Variants in MKKS observed in about 807,000 individuals in gnomAD.
MKKS encodes MKKS centrosomal shuttling protein.
A neutral mutation model predicts 33.2 loss-of-function variants in MKKS; 29 were observed. The observed-to-expected ratio is 0.87, with a 90% CI of 0.65 to 1.19. The LOEUF (loss-of-function observed/expected upper bound fraction) is 1.19. Among genes scored for constraint, MKKS ranks in the 50% most tolerant of loss-of-function variants. The pLI is 0.00. For synonymous variants in MKKS, 260 were observed against 244.0 expected, an observed-to-expected ratio of 1.07 and a Z score of -0.61; for missense variants, 661 against 662.3, an observed-to-expected ratio of 1.00 and a Z score of 0.02.
intron 4 of MKKS, among the ~76,000 whole-genome samples, 179 bp downstream of exon 4, chr20:10,408,449 C>T (rs2064858113): frequency 6.6e-6 from 1 of 152,120 alleles, no homozygotes; most frequent in African/African-American, 2.4e-5. Context: ...GCAACACATG[C>T]CAAATTTATT....
intron 3 of MKKS, among the ~76,000 whole-genome samples, chr20:10,409,842 G>A (rs2064868458): frequency 6.6e-6 from 1 of 151,248 alleles, no homozygotes; most frequent in Admixed American, 6.6e-5. Flanking sequence ...GTGGTGGCAG[G>A]TGCTTGTAAT....
intron 2 of MKKS, among the ~76,000 whole-genome samples, chr20:10,417,595 T>A (rs2064948704): frequency 6.6e-6 from 1 of 151,766 alleles, no homozygotes; most frequent in Non-Finnish European, 1.5e-5. Flanking sequence ...GGGTGACAAA[T>A]CAAGGCCTGT....
rs1483709391 is a variant in MKKS, at chr20:10,412,807, TG to T, written c.707del (p.Ser236Ter). 2 of 1,614,214 alleles carry T rather than the reference TG, an allele frequency of 1.2e-6. No individual in the cohort carries two copies. Among genetic ancestry groups the T allele is most frequent in the African/African-American group, 1.3e-5 (1 of 75,048 alleles). ...QLMRLLPIKK[S>X]TALKVALFCT... ...AAAAGAGTGCCACCTTGAGGGCAGT[TG>T]ATTTTTTGATAGGTAATAGCCTCAT... is the stretch of plus-strand genomic sequence containing the variant. On this transcript the variant is annotated frameshift_variant, in exon 3 of 6. Coordinates refer to ENST00000347364, the MANE Select transcript of MKKS (RefSeq NM_170784.3). LOFTEE classifies it high-confidence loss of function.
Position 10,413,393 on chromosome 20 carries a change from C to T in MKKS, c.122G>A (p.Gly41Asp). 12 of 1,612,926 alleles carry T rather than the reference C, an allele frequency of 7.4e-6. No homozygotes were observed. The highest frequency in any genetic ancestry group is 1.0e-5 in the Non-Finnish European group (12 of 1,178,920). The change falls in exon 3 of 6, where the codon GGT (glycine) becomes GAT (aspartate). Residue 41 changes from glycine to aspartate, a missense_variant. Coordinates refer to ENST00000347364, the MANE Select transcript of MKKS (RefSeq NM_170784.3). ...GCCATTGTGCAGCTGCTTCAGCCTA[C>T]CTGAGGGGCCATAGCATGATGTTAC... is the stretch of plus-strand genomic sequence containing the variant. ...RIVTSCYGPS[G>D]RLKQLHNGFG...
chr20:10,408,873 A>G, intron 3 of MKKS, 70 bp from the exon 4 acceptor site: 1 of 1,215,144 alleles, frequency 8.2e-7, no homozygotes, highest in South Asian at 1.3e-5. Flanking sequence ...TTAAAAGTAT[A>G]TTTATTCCTA....
intron 1 of MKKS, among the ~76,000 whole-genome samples, chr20:10,425,536 G>T (rs937211311): frequency 3.3e-5 from 5 of 152,220 alleles, no homozygotes; most frequent in African/African-American, 1.2e-4. Context: ...GAAGCAGACA[G>T]ACTGGGAGAT....
intron 1 of MKKS, among the ~76,000 whole-genome samples, chr20:10,428,157 C>G (rs1347228121): frequency 1.3e-5 from 2 of 152,208 alleles, no homozygotes; most frequent in Non-Finnish European, 2.9e-5. Flanking sequence ...AACTAGCTTA[C>G]CAGCAAGCTG....
intron 1 of MKKS, among the ~76,000 whole-genome samples, chr20:10,426,645 G>A (rs6104606): frequency 0.14 from 21,792 of 152,130 alleles, 1,755 homozygotes; most frequent in East Asian, 0.24. Flanking sequence ...TGATATGTCC[G>A]CCTCAGCCTC....
chr20:10,420,024 CTT>C, intron 2 of MKKS, among the ~76,000 whole-genome samples: 3 of 152,034 alleles, frequency 2.0e-5, no homozygotes, highest in Admixed American at 1.3e-4. Context: ...GTTTTGAGAA[CTT>C]TTTGAATTTT....
chr20:10,410,554 G>C (rs1315680583), intron 3 of MKKS, among the ~76,000 whole-genome samples: 1 of 152,166 alleles, frequency 6.6e-6, no homozygotes. Context: ...CTTGAACCCA[G>C]GAGGCAGAGG....
intron 1 of MKKS, among the ~76,000 whole-genome samples, chr20:10,427,029 G>GACACACACACAGACACACTC (rs1226255722): frequency 7.6e-6 from 1 of 130,724 alleles, no homozygotes. Flanking sequence ...AGAAAACACT[G>GACACACACACAGACACACTC]ACACACACAC....
At chr20:10,429,703 C>T (rs912581181) in intron 1 of MKKS, among the ~76,000 whole-genome samples, 2 of 152,174 alleles carry the variant, frequency 1.3e-5, no homozygotes, top group Non-Finnish European at 2.9e-5. Context: ...TGCCATTTGA[C>T]ATAAGTGTTT....
At position 10,403,544 on chromosome 20, in the gene MKKS, C is replaced by G. The variant is rs1476103264; in HGVS notation, c.*1703G>C. On this transcript the variant is annotated 3_prime_UTR_variant, in exon 6 of 6. Transcript: ENST00000347364. ...GGAGGTAGTTCTTTAAGTACAGTTCCTGGAACACAGTTGCTTTCCATCTGT... is the reference window on the plus strand; with the variant it reads ...GGAGGTAGTTCTTTAAGTACAGTTCGTGGAACACAGTTGCTTTCCATCTGT... 3 of 152,156 alleles carry G rather than the reference C, an allele frequency of 2.0e-5. No individual in the cohort carries two copies. The highest frequency in any genetic ancestry group is 4.4e-5 in the Non-Finnish European group (3 of 68,042). 9.4% of individuals were successfully genotyped at this position (152,156 alleles called of 1,614,324 possible). A position where few individuals can be genotyped will look rare whatever the true frequency, so the allele number is the denominator to read the frequency against.
chr20:10,429,207 A>G (rs1466469709), intron 1 of MKKS, among the ~76,000 whole-genome samples: 1 of 152,170 alleles, frequency 6.6e-6, no homozygotes, highest in Non-Finnish European at 1.5e-5. Context: ...TGTTCTGACC[A>G]TAAAGATCAC....
At chr20:10,406,280 G>A (rs1018847095) in intron 5 of MKKS, among the ~76,000 whole-genome samples, 1 of 152,028 alleles carries the variant, frequency 6.6e-6, no homozygotes, top group Non-Finnish European at 1.5e-5. Flanking sequence ...GAAATTCCAT[G>A]ATAAAAAGAA....
intron 1 of MKKS, among the ~76,000 whole-genome samples, chr20:10,423,514 C>T (rs1270273828): frequency 6.6e-6 from 1 of 152,094 alleles, no homozygotes; most frequent in Non-Finnish European, 1.5e-5. Flanking sequence ...AAATTAGGAA[C>T]AAATTAAATG....
At chr20:10,410,827 CTA>C (rs1341788521) in intron 3 of MKKS, among the ~76,000 whole-genome samples, 6 of 152,098 alleles carry the variant, frequency 3.9e-5, no homozygotes, top group Admixed American at 2.6e-4. Context: ...TTTACCTGCG[CTA>C]TGTGCCTGGT....
rs1204077401 is a variant in MKKS at position 10,403,810 on chromosome 20, T to TA, written c.*1436dup. The TA allele has an allele frequency of 6.6e-6, 1 of 152,192 alleles. No individual in the cohort carries two copies. The highest frequency in any genetic ancestry group is 2.4e-5 in the African/African-American group (1 of 41,456). 9.4% of individuals were successfully genotyped at this position (152,192 alleles called of 1,614,324 possible). A position where few individuals can be genotyped will look rare whatever the true frequency, so the allele number is the denominator to read the frequency against. On this transcript the variant is annotated 3_prime_UTR_variant, in exon 6 of 6. Transcript: ENST00000347364. ...CTGCCCTTCTATTTGATTGTAATAA[T>TA]AAAAGGAGTAAAACTTTTGATAAAT...
chr20:10,413,491 C>T lies in MKKS; in HGVS notation c.24G>A (p.Lys8=). The part of the protein sequence containing the change: MSRLEAK[K]PSLCKSEPLT... ...GTGGTTCACTCTTACACAATGATGG[C>T]TTCTTAGCTTCCAAACGAGACATCT... is the stretch of plus-strand genomic sequence containing the variant. Residue 8 remains lysine (K), a synonymous_variant, in exon 3 of 6, where the codon AAG becomes AAA. Transcript: ENST00000347364. 3 of 1,614,202 alleles carry T rather than the reference C, an allele frequency of 1.9e-6. No individual in the cohort carries two copies. The highest frequency in any genetic ancestry group is 2.5e-6 in the Non-Finnish European group (3 of 1,180,026).
Sources: allele counts gnomAD v4.1 joint callset (sites outside exome capture counted in the v4.1 genomes callset), GRCh38; gene constraint gnomAD v4.1.1; transcripts MANE v1.5; gene names NCBI Gene and HGNC (gene_info 2026-07-23, HGNC 2026-07-21).